The following MMUT variants were observed in gnomAD, a reference collection of about 807,000 sequenced individuals.
MMUT encodes methylmalonyl-CoA mutase, mitochondrial.
A neutral mutation model predicts 79.9 loss-of-function variants in MMUT; 79 were observed. The ratio of observed to expected loss-of-function variants is 0.99; its 90% CI spans 0.82 to 1.19. MMUT has a LOEUF of 1.19. MMUT is among the 50% of genes most tolerant of loss of function. MMUT has a pLI of 0.00. For missense variants in MMUT, 860 were observed against 917.2 expected (o/e 0.94, Z 0.81); for synonymous variants, 273 against 295.7 (o/e 0.92, Z 0.79).
rs1767723196 is a variant in MMUT at position 49,457,686 on chromosome 6, T to C, written c.753+5A>G. 6.8e-6 allele frequency: 11 copies of C among 1,607,734 alleles called. No homozygotes were observed. Among genetic ancestry groups the C allele is most frequent in the Non-Finnish European group, 9.3e-6 (11 of 1,177,728 alleles). On this transcript the variant is annotated splice_donor_5th_base_variant and intron_variant, in intron 3 of 12. Coordinates refer to ENST00000274813, the MANE Select transcript of MMUT (RefSeq NM_000255.4). ...AGAAAAACCTATAATAACCACAAAG[T>C]ATACCTTTGCTGTATATTCAAATAT...
intron 3 of MMUT, 51 bp from the exon 4 acceptor site, chr6:49,456,288 T>A: frequency 8.3e-7 from 1 of 1,210,498 alleles, no homozygotes; most frequent in Non-Finnish European, 1.2e-6. Flanking sequence ...TATTAAAAGG[T>A]CCTATTAAAT....
Position 49,453,526 on chromosome 6 carries a change from C to CA in MMUT, c.1083+58dup, listed in dbSNP as rs1159678761. On this transcript the variant is annotated intron_variant, in intron 5 of 12. Coordinates refer to ENST00000274813, the MANE Select transcript of MMUT (RefSeq NM_000255.4). ...TATTTCCTGCTTGTGCCACATTGCT[C>CA]AGAAAAAATATATATATATAACTTT... The CA allele has an allele frequency of 1.3e-3, 1,225 of 949,368 alleles. 8 individuals carry two copies. In the African/African-American group the frequency reaches 0.019, roughly 15 times the overall value. 58.8% of individuals were successfully genotyped at this position (949,368 alleles called of 1,614,324 possible).
chr6:49,443,008 C>A (rs1038777983), intron 9 of MMUT, among the ~76,000 whole-genome samples: 6 of 151,886 alleles, frequency 4.0e-5, no homozygotes, highest in African/African-American at 1.2e-4. Flanking sequence ...TATACCTTAA[C>A]CAGTTAAAGC....
At chr6:49,462,395 G>C (rs1250632865) in intron 1 of MMUT, among the ~76,000 whole-genome samples, 1 of 152,170 alleles carries the variant, frequency 6.6e-6, no homozygotes, top group East Asian at 1.9e-4. Flanking sequence ...GTTGGGTTTG[G>C]AGATGGAAAC....
chr6:49,433,533 G>T (rs553009558), intron 12 of MMUT, among the ~76,000 whole-genome samples: 2 of 152,172 alleles, frequency 1.3e-5, no homozygotes, highest in East Asian at 3.9e-4. Flanking sequence ...GCTGGGCCAG[G>T]GATAGCACAG....
At chr6:49,443,804 T>C (rs1359950175) in intron 9 of MMUT, 1 of 439,196 alleles carries the variant, frequency 2.3e-6, no homozygotes, top group African/African-American at 2.0e-5. Context: ...ATCGTGTCTA[T>C]GGGAACACTG....
chr6:49,442,698 A>G (rs1767308081), intron 9 of MMUT, among the ~76,000 whole-genome samples: 1 of 152,128 alleles, frequency 6.6e-6, no homozygotes, highest in East Asian at 1.9e-4. Context: ...AAGGGAACAT[A>G]AAACAGTAAG....
chr6:49,447,896 T>C, intron 7 of MMUT, 111 bp from the exon 8 acceptor site: 1 of 687,900 alleles, frequency 1.5e-6, no homozygotes, highest in Non-Finnish European at 2.6e-6. Context: ...GTATTCTTAA[T>C]TCTTAATGCA....
chr6:49,459,420 A>G lies in MMUT; in HGVS notation c.47T>C (p.Leu16Pro). The G allele has an allele frequency of 6.2e-7, 1 of 1,613,522 alleles. No individual in the cohort carries two copies. Among genetic ancestry groups the G allele is most frequent in the Non-Finnish European group, 8.5e-7 (1 of 1,179,932 alleles). The change falls in exon 2 of 13, where the codon CTG (leucine) becomes CCG (proline). Residue 16 changes from leucine to proline, a missense_variant. Transcript: ENST00000274813. ...NQLFLLSPHY[L>P]RQVKESSGSR... ...GCCTGATGATTCTTTTACCTGCCTC[A>G]GGTAATGAGGTGAAAGTAAAAAAAG...
chr6:49,444,738 T>C lies in MMUT; in HGVS notation c.1577A>G (p.Asp526Gly), dbSNP rs1186901046. Residue 526 changes from aspartate to glycine, a missense_variant, in exon 9 of 13, where the codon GAT (aspartate) becomes GGT (glycine). Coordinates refer to ENST00000274813, the MANE Select transcript of MMUT (RefSeq NM_000255.4). ...EKLKKIKSSRDQALAERCLAA... is the reference protein window; with the variant it reads ...EKLKKIKSSRGQALAERCLAA... ...AAGACAACGTTCAGCCAAAGCTTGATCCCTGCTGGATTTGATCTATGGAAA... is the reference window on the plus strand; with the variant it reads ...AAGACAACGTTCAGCCAAAGCTTGACCCCTGCTGGATTTGATCTATGGAAA... 7.4e-6 allele frequency: 12 copies of C among 1,612,954 alleles called. 1 individual carries two copies. In the South Asian group the frequency reaches 1.1e-4, roughly 15 times the overall value.
rs6458691 is a variant in MMUT, at chr6:49,444,175, G to A, written c.1676+464C>T. On this transcript the variant is annotated intron_variant, in intron 9 of 12. Transcript: ENST00000274813. ...CAATAACAAGGGAAGGACTGGGAGG[G>A]GGGTGTGGGGAAGTTGGTTGCTCTT... 1.8e-3 allele frequency among the ~76,000 whole-genome samples: 274 copies of A among 152,108 alleles called. 1 individual carries two copies. The highest frequency in any genetic ancestry group is 3.5e-3 in the Admixed American group (54 of 15,260).
At chr6:49,459,593 G>T in intron 1 of MMUT, 88 bp from the exon 2 acceptor site, 1 of 1,034,018 alleles carries the variant, frequency 9.7e-7, no homozygotes, top group Non-Finnish European at 1.4e-6. Context: ...AAAGAAAGAG[G>T]ATGTATTAGT....
At chr6:49,440,122 A>G (rs893801710) in intron 11 of MMUT, 84 bp downstream of exon 11, 30 of 1,541,442 alleles carry the variant, frequency 1.9e-5, no homozygotes, top group Non-Finnish European at 2.7e-5. Flanking sequence ...TAATTTGCTC[A>G]ATGTCTGTCA....
At chr6:49,435,245 A>G (rs748220054) in intron 12 of MMUT, among the ~76,000 whole-genome samples, 1 of 152,234 alleles carries the variant, frequency 6.6e-6, no homozygotes, top group South Asian at 2.1e-4. Context: ...GAAGCTTTGT[A>G]AAGTGTTAAG....
Position 49,460,792 on chromosome 6 carries a change from T to G in MMUT, c.-39-1287A>C, listed in dbSNP as rs151193208. The stretch of plus-strand genomic sequence containing the variant: ...CCATACCACTTCTTACCTATCAGTT[T>G]AGTAAAGCTTAAATGAAATCAATAC... On this transcript the variant is annotated intron_variant, in intron 1 of 12. Transcript: ENST00000274813. 2.0e-5 allele frequency among the ~76,000 whole-genome samples: 3 copies of G among 152,374 alleles called. No individual in the cohort carries two copies. The East Asian group carries it at 5.8e-4, about 29-fold the overall frequency.
At chr6:49,458,141 G>A in intron 2 of MMUT, 83 bp from the exon 3 acceptor site, 1 of 1,373,300 alleles carries the variant, frequency 7.3e-7, no homozygotes, top group Non-Finnish European at 1.0e-6. Context: ...TACTAAAAAT[G>A]TTGATTCATC....
chr6:49,449,470 C>T (rs567760523), intron 6 of MMUT, among the ~76,000 whole-genome samples: 11 of 151,548 alleles, frequency 7.3e-5, no homozygotes, highest in African/African-American at 2.4e-4. Context: ...ATATTGGATT[C>T]TACGTAAGTG....
At position 49,459,098 on chromosome 6, in the gene MMUT, A is replaced by C; in HGVS notation, c.369T>G (p.Tyr123Ter). The C allele has an allele frequency of 6.2e-7, 1 of 1,614,126 alleles. No homozygotes were observed. The highest frequency in any genetic ancestry group is 2.2e-5 in the East Asian group (1 of 44,888). Residue 123 changes from tyrosine to a stop codon, truncating the protein, a stop_gained, in exon 2 of 13, where the codon TAT (tyrosine) becomes TAG (stop). Coordinates refer to ENST00000274813, the MANE Select transcript of MMUT (RefSeq NM_000255.4). LOFTEE classifies it high-confidence loss of function. Reference sequence around the variant, plus strand: ...AAATCTCACCCTTAATGTTGTCCTTATAGAACTTATTGCTTTCTTCCACAG... The same window carrying C: ...AAATCTCACCCTTAATGTTGTCCTTCTAGAACTTATTGCTTTCTTCCACAG... ...FSTVEESNKF[Y>*]KDNIKAGQQG... is the part of the protein sequence containing the mutation.
chr6:49,453,842 A>T, intron 4 of MMUT, 86 bp from the exon 5 acceptor site: 1 of 1,134,216 alleles, frequency 8.8e-7, no homozygotes, highest in Non-Finnish European at 1.3e-6. Flanking sequence ...CACACTAGAA[A>T]ATCAAGGTCT....
Sources: allele counts gnomAD v4.1 joint callset (sites outside exome capture counted in the v4.1 genomes callset), GRCh38; gene constraint gnomAD v4.1.1; transcripts MANE v1.5; gene names NCBI Gene and HGNC (gene_info 2026-07-23, HGNC 2026-07-21).